The following FYN variants were observed in gnomAD, a reference collection of about 807,000 sequenced individuals.
FYN encodes tyrosine-protein kinase Fyn.
FYN carries 10 observed loss-of-function variants against 70.2 expected under a neutral mutation model. The observed-to-expected ratio is 0.14, with a 90% CI of 0.09 to 0.24. FYN has a LOEUF of 0.24. Ranked by LOEUF, FYN falls within the 10% of genes least tolerant of loss-of-function variation. The pLI, the probability that FYN is intolerant of heterozygous loss-of-function variation, is 1.00. For missense variants in FYN, 319 were observed against 673.1 expected, an observed-to-expected ratio of 0.47 and a Z score of 5.82; for synonymous variants, 236 against 248.6, an observed-to-expected ratio of 0.95 and a Z score of 0.48.
At chr6:111,766,024 G>A (rs1803216788) in intron 3 of FYN, among the ~76,000 whole-genome samples, 1 of 152,166 alleles carries the variant, frequency 6.6e-6, no homozygotes, top group Non-Finnish European at 1.5e-5. Context: ...GGGAATAACA[G>A]GAGCCTTGAG....
chr6:111,821,857 C>T (rs1772674600), intron 2 of FYN, among the ~76,000 whole-genome samples: 1 of 152,170 alleles, frequency 6.6e-6, no homozygotes, highest in Non-Finnish European at 1.5e-5. Flanking sequence ...GACATTTCTG[C>T]AGCCAACAGA....
chr6:111,687,800 T>C lies in FYN; in HGVS notation c.1273+6575A>G, dbSNP rs78728455. Among the ~76,000 whole-genome samples the C allele has an allele frequency of 3.3e-4, 50 of 152,284 alleles. 1 individual carries two copies. In the East Asian group the frequency reaches 6.0e-3, roughly 18 times the overall value. ...TTCACAGGGAAGCCATACAATTCTA[T>C]GATATAGATAACTATTATTATCCCT... On this transcript the variant is annotated intron_variant, in intron 12 of 13. Coordinates refer to ENST00000354650, the MANE Select transcript of FYN (RefSeq NM_002037.5).
At chr6:111,868,260 G>A (rs919411908) in intron 1 of FYN, among the ~76,000 whole-genome samples, 1 of 152,098 alleles carries the variant, frequency 6.6e-6, no homozygotes, top group Non-Finnish European at 1.5e-5. Context: ...GTTCCTTCGG[G>A]ACAGGATCAC....
intron 2 of FYN, among the ~76,000 whole-genome samples, chr6:111,842,615 T>C (rs1773397146): frequency 6.6e-6 from 1 of 152,226 alleles, no homozygotes; most frequent in South Asian, 2.1e-4. Flanking sequence ...TGCTGGCCTC[T>C]GACCCCGGAA....
intron 3 of FYN, among the ~76,000 whole-genome samples, chr6:111,727,661 T>C (rs1279703799): frequency 1.8e-4 from 28 of 152,104 alleles, no homozygotes; most frequent in Admixed American, 1.8e-3. Flanking sequence ...GCTTCAGAAA[T>C]AAGTGGAGTT....
At chr6:111,787,424 T>C (rs1414359107) in intron 2 of FYN, among the ~76,000 whole-genome samples, 2 of 152,244 alleles carry the variant, frequency 1.3e-5, no homozygotes, top group African/African-American at 4.8e-5. Flanking sequence ...CATTGGTCTA[T>C]ATCTCTGTTT....
At chr6:111,810,128 T>C (rs1289580281) in intron 2 of FYN, among the ~76,000 whole-genome samples, 2 of 152,208 alleles carry the variant, frequency 1.3e-5, no homozygotes, top group African/African-American at 4.8e-5. Context: ...GTCTTGTTCA[T>C]AATATGACAG....
At chr6:111,682,786 A>C (rs1169187442) in intron 12 of FYN, among the ~76,000 whole-genome samples, 1 of 152,240 alleles carries the variant, frequency 6.6e-6, no homozygotes, top group Non-Finnish European at 1.5e-5. Flanking sequence ...CCTAAGTCTC[A>C]GTTTCCTTGT....
chr6:111,735,430 T>C (rs1457973624), intron 3 of FYN, among the ~76,000 whole-genome samples: 1 of 152,226 alleles, frequency 6.6e-6, no homozygotes. Flanking sequence ...TCCATCAACA[T>C]CCTGTGCTGG....
At chr6:111,696,523 C>A (rs1007272470) in intron 9 of FYN, 67 bp from the exon 10 acceptor site, 1 of 1,284,842 alleles carries the variant, frequency 7.8e-7, no homozygotes, top group Non-Finnish European at 1.1e-6. Context: ...GTTTTGACCA[C>A]CAGCTATTTG....
intron 13 of FYN, among the ~76,000 whole-genome samples, chr6:111,667,199 C>T (rs1798049252): frequency 6.6e-6 from 1 of 152,086 alleles, no homozygotes; most frequent in African/African-American, 2.4e-5. Context: ...TTGAGCTGTA[C>T]ATGAACTCAG....
Position 111,694,799 on chromosome 6 carries a change from G to T in FYN, c.1043-95C>A. On this transcript the variant is annotated intron_variant, in intron 10 of 13. Transcript: ENST00000354650. This position sits in a 1 kb window ranked among gnomAD's most constrained non-coding sequence, Gnocchi z 5.0. ...TTTTCTTATTAAAAGTAATAAGGTA[G>T]TCAAATGGAATAATGCCATCCACAT... The T allele has an allele frequency of 9.1e-7, 1 of 1,095,544 alleles. No individual in the cohort carries two copies. The highest frequency in any genetic ancestry group is 1.3e-6 in the Non-Finnish European group (1 of 752,554). The allele number at this position is 1,095,544 out of a possible 1,614,324, so 67.9% of individuals were successfully genotyped here. A position where few individuals can be genotyped will look rare whatever the true frequency, so the allele number is the denominator to read the frequency against.
rs1800525818 is a variant in FYN at position 111,714,424 on chromosome 6, G to C, written c.267C>G (p.Ala89=). ...RGGTGVTLFV[A]LYDYEARTED... is the part of the protein sequence containing the mutation. ...CTGTCCGTGCTTCATAGTCATAAAG[G>C]GCCACAAAGAGTGTCACTCCTGCCG... The change falls in exon 5 of 14, where the codon GCC becomes GCG. Residue 89 remains alanine (A), a synonymous_variant. Transcript: ENST00000354650. 1 of 1,613,716 alleles carries C rather than the reference G, an allele frequency of 6.2e-7. No homozygotes were observed. The highest frequency in any genetic ancestry group is 1.3e-5 in the African/African-American group (1 of 74,836).
At chr6:111,724,978 T>A (rs142098513) in intron 3 of FYN, among the ~76,000 whole-genome samples, 17 of 152,314 alleles carry the variant, frequency 1.1e-4, no homozygotes, top group African/African-American at 4.1e-4. Context: ...ATCAACTGCA[T>A]GGTTTCACAC....
At chr6:111,789,018 T>G (rs922048358) in intron 2 of FYN, among the ~76,000 whole-genome samples, 1 of 151,960 alleles carries the variant, frequency 6.6e-6, no homozygotes, top group African/African-American at 2.4e-5. Flanking sequence ...ATTATTTGCT[T>G]GAGTGGGAGT....
At chr6:111,761,733 G>A (rs1803015566) in intron 3 of FYN, among the ~76,000 whole-genome samples, 1 of 152,160 alleles carries the variant, frequency 6.6e-6, no homozygotes, top group Admixed American at 6.5e-5. Context: ...ATGCTGCCAT[G>A]GCAGGCAAGC....
At chr6:111,836,602 A>C (rs955392974) in intron 2 of FYN, among the ~76,000 whole-genome samples, 6 of 152,142 alleles carry the variant, frequency 3.9e-5, no homozygotes, top group Non-Finnish European at 8.8e-5. Flanking sequence ...CTGTTTCTAC[A>C]AAAATAATAA....
intron 9 of FYN, chr6:111,696,671 G>A (rs1178759576): frequency 2.3e-6 from 1 of 430,434 alleles, no homozygotes; most frequent in Admixed American, 4.3e-5. Flanking sequence ...GCTATATTAA[G>A]ATTTATAACT....
chr6:111,841,569 A>G (rs952717251), intron 2 of FYN, among the ~76,000 whole-genome samples: 6 of 152,198 alleles, frequency 3.9e-5, no homozygotes, highest in South Asian at 2.1e-4. Flanking sequence ...GGGCAACCGA[A>G]TAAGATAACA....
Sources: gnomAD v4.1 joint callset for allele counts (sites outside exome capture counted in the v4.1 genomes callset) on GRCh38, gnomAD v4.1.1 for gene constraint, Gnocchi (gnomAD v3.1) non-coding constraint, MANE v1.5 for transcripts, NCBI Gene and HGNC (gene_info 2026-07-23, HGNC 2026-07-21) for gene names.